ST6GALNAC6: variants seen among roughly 807,000 people sequenced by gnomAD.
ST6GALNAC6 encodes ST6 N-acetylgalactosaminide alpha-2,6-sialyltransferase 6.
ST6GALNAC6 carries 19 observed loss-of-function variants against 34.3 expected under a neutral mutation model. The observed-to-expected ratio is 0.55, with a 90% CI of 0.39 to 0.81. The LOEUF (loss-of-function observed/expected upper bound fraction) is 0.81, where lower values mean the gene tolerates loss of function less well. Ranked by LOEUF, ST6GALNAC6 falls within the 40% of genes least tolerant of loss-of-function variation. The pLI is 0.00. For synonymous variants in ST6GALNAC6, 185 were observed against 182.1 expected, an observed-to-expected ratio of 1.02 and a Z score of -0.13; for missense variants, 377 against 467.7, an observed-to-expected ratio of 0.81 and a Z score of 1.79.
rs139501224 is a variant in ST6GALNAC6 at position 127,894,573 on chromosome 9, C to T, written c.236G>A (p.Arg79Gln). ...HYGSLRGRSRRPVNLKKWSIT... is the reference protein window; with the variant it reads ...HYGSLRGRSRQPVNLKKWSIT... ...GCTCCACTTCTTGAGGTTGACAGGT[C>T]GGCGGCTACGGCCCCGCAGGGAGCC... The change falls in exon 4 of 7, where the codon CGA becomes CAA. Residue 79 changes from arginine to glutamine, a missense_variant. Arg to Gln is a conservative substitution (Grantham distance 43). Coordinates refer to ENST00000373146, the MANE Select transcript of ST6GALNAC6 (RefSeq NM_013443.5). The T allele has an allele frequency of 5.2e-4, 844 of 1,614,004 alleles. 1 individual carries two copies. The highest frequency in any genetic ancestry group is 6.7e-4 in the Non-Finnish European group (790 of 1,180,030).
chr9:127,896,881 G>T, intron 2 of ST6GALNAC6: 1 of 985,324 alleles, frequency 1.0e-6, no homozygotes. Flanking sequence ...AGCCCACCCA[G>T]GTCCTCACTC....
At chr9:127,906,264 A>C (rs972948727), upstream of ST6GALNAC6, among the ~76,000 whole-genome samples, 1 of 152,054 alleles carries the variant, frequency 6.6e-6, no homozygotes, top group African/African-American at 2.4e-5. Context: ...AAAAAACAAA[A>C]CAAACAAACA....
Position 127,897,960 on chromosome 9 carries a change from TG to T in ST6GALNAC6, c.21del (p.Ser8AlafsTer28). ...AATCCCGGTTTCACCACTTACTGGC[TG>T]GGGGGCCTCGAGCAAGCCATGTGAC... is the stretch of plus-strand genomic sequence containing the variant. MACSRP[P>X]SQCEPTSLPP... On this transcript the variant is annotated frameshift_variant, in exon 2 of 7. Transcript: ENST00000373146. LOFTEE classifies it high-confidence loss of function. 1 of 1,608,988 alleles carries T rather than the reference TG, an allele frequency of 6.2e-7. No individual in the cohort carries two copies. The highest frequency in any genetic ancestry group is 1.7e-5 in the Admixed American group (1 of 59,720).
chr9:127,898,050 T>A (rs540281225), intron 1 of ST6GALNAC6, 40 bp from the exon 2 acceptor site: 1 of 1,018,778 alleles, frequency 9.8e-7, no homozygotes, highest in Non-Finnish European at 1.5e-6. Flanking sequence ...ACTCAAGGGG[T>A]TGTTGGAAGG....
chr9:127,892,838 T>G (rs1352146012), intron 4 of ST6GALNAC6, among the ~76,000 whole-genome samples: 1 of 152,188 alleles, frequency 6.6e-6, no homozygotes, highest in Non-Finnish European at 1.5e-5. Context: ...ACCCAGGAAC[T>G]GACTCGGCAG....
chr9:127,897,948 CCA>C lies in ST6GALNAC6; in HGVS notation c.26+6_26+7del. The C allele has an allele frequency of 6.2e-7, 1 of 1,612,638 alleles. No homozygotes were observed. Among genetic ancestry groups the C allele is most frequent in the Non-Finnish European group, 8.5e-7 (1 of 1,179,322 alleles). On this transcript the variant is annotated splice_donor_region_variant and intron_variant, in intron 2 of 6. Coordinates refer to ENST00000373146, the MANE Select transcript of ST6GALNAC6 (RefSeq NM_013443.5). ...GCTGCCAGTGCGAATCCCGGTTTCA[CCA>C]CTTACTGGCTGGGGGGCCTCGAGCA...
upstream of ST6GALNAC6, chr9:127,899,605 C>T (rs1319377599): frequency 8.0e-5 from 79 of 982,008 alleles, no homozygotes; most frequent in Non-Finnish European, 8.8e-5. Flanking sequence ...CCAGGCCTCG[C>T]CGCACCCGCG....
chr9:127,899,614 C>T (rs1254473001), upstream of ST6GALNAC6: 12 of 982,228 alleles, frequency 1.2e-5, no homozygotes, highest in Admixed American at 6.3e-5. Flanking sequence ...GCCGCACCCG[C>T]GGCCCGCCGG....
In ST6GALNAC6 at chr9:127,894,516, T is replaced by G; in HGVS notation, c.293A>C (p.Asn98Thr). The change falls in exon 4 of 7, where the codon AAC (asparagine) becomes ACC (threonine). Residue 98 changes from asparagine to threonine, a missense_variant. By Grantham distance (65) the Asn-to-Thr change is moderately conservative (BLOSUM62 0). Transcript: ENST00000373146. ...TCCCCAAAGCAGCTGCGCTACCTTG[T>G]TGCCGAGAATGGGGACATAGCCGTC... ...ITDGYVPILG[N>T]KTLPSRCHQC... 1 of 1,613,838 alleles carries G rather than the reference T, an allele frequency of 6.2e-7. No individual in the cohort carries two copies. The highest frequency in any genetic ancestry group is 1.3e-5 in the African/African-American group (1 of 75,046).
chr9:127,896,910 C>T (rs764976307), intron 2 of ST6GALNAC6: 128 of 985,264 alleles, frequency 1.3e-4, no homozygotes, highest in Non-Finnish European at 1.5e-4. Context: ...TGTGCCTCCA[C>T]AGCCACGGAG....
In ST6GALNAC6 at chr9:127,887,574, C is replaced by A; in HGVS notation, c.722G>T (p.Trp241Leu). ...TGKDREKSHS[W>L]LSTGWFTMVI... ...CATGGTAAACCAGCCTGTGCTCAAC[C>A]ACGAATGAGACTTCTCCCTGGGGAT... Residue 241 changes from tryptophan to leucine, a missense_variant, in exon 6 of 7, where the codon TGG becomes TTG. By Grantham distance (61) the Trp-to-Leu change is moderately conservative. Coordinates refer to ENST00000373146, the MANE Select transcript of ST6GALNAC6 (RefSeq NM_013443.5). 1 of 1,611,524 alleles carries A rather than the reference C, an allele frequency of 6.2e-7. No individual in the cohort carries two copies. The highest frequency in any genetic ancestry group is 1.1e-5 in the South Asian group (1 of 90,502).
intron 6 of ST6GALNAC6, 123 bp from the exon 7 acceptor site, chr9:127,886,911 G>T: frequency 9.9e-7 from 1 of 1,007,596 alleles, no homozygotes; most frequent in Non-Finnish European, 1.4e-6. Context: ...TGGGGCCTCG[G>T]TTTCCCCATC....
Position 127,886,192 on chromosome 9 carries a change from G to A in ST6GALNAC6, c.*407C>T, listed in dbSNP as rs1829742583. The A allele has an allele frequency of 3.3e-6, 1 of 302,030 alleles. No homozygotes were observed. Among genetic ancestry groups the A allele is most frequent in the Non-Finnish European group, 6.1e-6 (1 of 164,472 alleles). 18.7% of individuals were successfully genotyped at this position (302,030 alleles called of 1,614,324 possible). ...TCTTTCTGGTGCTGGAAATTGAGGG[G>A]GCAACACCAAGTTCCCAGCTCCTTG... On this transcript the variant is annotated 3_prime_UTR_variant, in exon 7 of 7. Coordinates refer to ENST00000373146, the MANE Select transcript of ST6GALNAC6 (RefSeq NM_013443.5).
Position 127,886,471 on chromosome 9 carries a change from C to A in ST6GALNAC6, c.*128G>T. The A allele has an allele frequency of 2.0e-6, 3 of 1,470,468 alleles. No individual in the cohort carries two copies. Among genetic ancestry groups the A allele is most frequent in the Non-Finnish European group, 2.7e-6 (3 of 1,110,636 alleles). 91.1% of individuals were successfully genotyped at this position (1,470,468 alleles called of 1,614,324 possible). On this transcript the variant is annotated 3_prime_UTR_variant, in exon 7 of 7. Transcript: ENST00000373146. ...CTGATTGGCTGGAGGATACATCCTC[C>A]TCAAGGCCCTGATTGGCTGGGAGAC...
Position 127,888,619 on chromosome 9 carries a change from C to T in ST6GALNAC6, c.705-1028G>A, listed in dbSNP as rs956493393. Among the ~76,000 whole-genome samples, 9 of 151,352 alleles carry T rather than the reference C, an allele frequency of 5.9e-5. No individual in the cohort carries two copies. In the South Asian group the frequency reaches 6.2e-4, roughly 11 times the overall value. Reference sequence around the variant, plus strand: ...GTCAAGAGATTGAGACCAGCCTGGCCAACATGGTGAAACCCCCTCTCTACT... The same window carrying T: ...GTCAAGAGATTGAGACCAGCCTGGCTAACATGGTGAAACCCCCTCTCTACT... On this transcript the variant is annotated intron_variant, in intron 5 of 6. Transcript: ENST00000373146.
intron 3 of ST6GALNAC6, among the ~76,000 whole-genome samples, chr9:127,895,787 A>C (rs1830416647): frequency 6.6e-6 from 1 of 152,160 alleles, no homozygotes; most frequent in African/African-American, 2.4e-5. Flanking sequence ...AGGGGCATGC[A>C]GGGCCAGTCA....
At chr9:127,898,850 G>A (rs1395143671) in intron 1 of ST6GALNAC6, among the ~76,000 whole-genome samples, 1 of 152,258 alleles carries the variant, frequency 6.6e-6, no homozygotes, top group Non-Finnish European at 1.5e-5. Context: ...ACAGGCACCA[G>A]GGCGGGGGTC....
chr9:127,892,242 C>G (rs1588643421), intron 4 of ST6GALNAC6, among the ~76,000 whole-genome samples: 1 of 152,176 alleles, frequency 6.6e-6, no homozygotes, highest in African/African-American at 2.4e-5. Context: ...GTCTAACCAC[C>G]CTTGCTCATT....
At chr9:127,906,066 C>G, upstream of ST6GALNAC6, 1 of 975,286 alleles carries the variant, frequency 1.0e-6, no homozygotes, top group Non-Finnish European at 1.2e-6. Context: ...CCACCTGGCA[C>G]TGGGCAGGAG....
Sources: gnomAD v4.1 joint callset for allele counts (sites outside exome capture counted in the v4.1 genomes callset) on GRCh38, gnomAD v4.1.1 for gene constraint, MANE v1.5 for transcripts, NCBI Gene and HGNC (gene_info 2026-07-23, HGNC 2026-07-21) for gene names.